Variants in MYRIP observed in about 807,000 individuals in gnomAD.
The protein encoded by MYRIP is rab effector MyRIP.
Under a neutral mutation model 98.0 loss-of-function variants are expected in MYRIP, and 49 were observed. The ratio of observed to expected loss-of-function variants is 0.50; its 90% CI spans 0.40 to 0.63. The LOEUF is 0.63. Ranked by LOEUF, MYRIP falls within the 30% of genes least tolerant of loss-of-function variation. The pLI is 0.00. For missense variants in MYRIP, 1,004 were observed against 1,058.2 expected (o/e 0.95, Z 0.71); for synonymous variants, 404 against 409.5 (o/e 0.99, Z 0.16).
At position 40,147,555 on chromosome 3, in the gene MYRIP, G is replaced by GA. The variant is rs200671524; in HGVS notation, c.333-3485dup. Among the ~76,000 whole-genome samples, 753 of 151,844 alleles carry GA rather than the reference G, an allele frequency of 5.0e-3. 3 individuals carry two copies. Among genetic ancestry groups the GA allele is most frequent in the Non-Finnish European group, 8.1e-3 (548 of 67,924 alleles). On this transcript the variant is annotated intron_variant, in intron 3 of 16. Coordinates refer to ENST00000302541, the MANE Select transcript of MYRIP (RefSeq NM_015460.4). ...AGTCATGACTTGAAATTCATGGAGA[G>GA]AAAAAAAACTGTTATTCTTGGCTAT...
chr3:40,179,119 T>A (rs1950831247), intron 8 of MYRIP, among the ~76,000 whole-genome samples: 1 of 152,218 alleles, frequency 6.6e-6, no homozygotes, highest in African/African-American at 2.4e-5. Context: ...CTGAACTAGC[T>A]GGTGAGTAAA....
chr3:40,157,794 T>C (rs1163349599), intron 4 of MYRIP, among the ~76,000 whole-genome samples: 1 of 149,316 alleles, frequency 6.7e-6, no homozygotes, highest in East Asian at 2.0e-4. Flanking sequence ...GAGGTGTTTG[T>C]AGTATTCTCT....
chr3:39,869,510 A>T (rs1047430841), intron 1 of MYRIP, among the ~76,000 whole-genome samples: 4 of 152,086 alleles, frequency 2.6e-5, no homozygotes, highest in African/African-American at 9.7e-5. Flanking sequence ...CTTTGATAGT[A>T]TTTATAATAA....
Position 40,071,668 on chromosome 3 carries a change from C to G in MYRIP, c.332+27397C>G, listed in dbSNP as rs576139447. Among the ~76,000 whole-genome samples the G allele has an allele frequency of 4.6e-5, 7 of 152,158 alleles. No homozygotes were observed. The East Asian group carries it at 1.4e-3, about 29-fold the overall frequency. ...TGTTCCCAGTATTTTCAGAGGTTTG[C>G]GAGCAGGATGCAGATGCTGGGGAGG... is the stretch of plus-strand genomic sequence containing the variant. On this transcript the variant is annotated intron_variant, in intron 3 of 16. Coordinates refer to ENST00000302541, the MANE Select transcript of MYRIP (RefSeq NM_015460.4).
chr3:40,197,242 A>G lies in MYRIP; in HGVS notation c.1665+6779A>G, dbSNP rs560770191. Among the ~76,000 whole-genome samples, 60 of 151,926 alleles carry G rather than the reference A, an allele frequency of 3.9e-4. 2 individuals carry two copies. Among genetic ancestry groups the G allele is most frequent in the Non-Finnish European group, 3.4e-4 (23 of 67,984 alleles). On this transcript the variant is annotated intron_variant, in intron 10 of 16. Coordinates refer to ENST00000302541, the MANE Select transcript of MYRIP (RefSeq NM_015460.4). Reference sequence around the variant, plus strand: ...TGCAGTTCACAATAGGGTTCGCGCTACTCTGAGAATCTAATGCCACCCCGA... The same window carrying G: ...TGCAGTTCACAATAGGGTTCGCGCTGCTCTGAGAATCTAATGCCACCCCGA...
chr3:39,918,051 G>A (rs1012074037), intron 2 of MYRIP, among the ~76,000 whole-genome samples: 9 of 151,540 alleles, frequency 5.9e-5, no homozygotes, highest in Non-Finnish European at 5.9e-5. Context: ...CTCAGCCTCC[G>A]GAGTAGCTGG....
intron 1 of MYRIP, among the ~76,000 whole-genome samples, chr3:39,889,307 A>G (rs1322656745): frequency 2.6e-5 from 4 of 152,232 alleles, no homozygotes; most frequent in Non-Finnish European, 5.9e-5. Context: ...AGACTGGATT[A>G]AGAAAATGTG....
intron 1 of MYRIP, among the ~76,000 whole-genome samples, chr3:39,849,533 G>A (rs180926913): frequency 1.3e-5 from 2 of 152,164 alleles, no homozygotes; most frequent in South Asian, 2.1e-4. Flanking sequence ...ATGGTGAGAG[G>A]TTCATCAGTA....
At chr3:40,148,023 A>T (rs1360198095) in intron 3 of MYRIP, among the ~76,000 whole-genome samples, 1 of 152,044 alleles carries the variant, frequency 6.6e-6, no homozygotes, top group East Asian at 1.9e-4. Context: ...AAATGTCTTT[A>T]TTTTGCCCTC....
intron 3 of MYRIP, among the ~76,000 whole-genome samples, chr3:40,084,414 T>C (rs1331944021): frequency 3.7e-5 from 3 of 80,776 alleles, no homozygotes; most frequent in Non-Finnish European, 8.2e-5. Flanking sequence ...CTATGTATTA[T>C]CTATCGGTAG....
intron 1 of MYRIP, among the ~76,000 whole-genome samples, chr3:39,830,548 G>A (rs1918024): frequency 0.1 from 15,900 of 152,026 alleles, 1,086 homozygotes; most frequent in Middle Eastern, 0.15. Context: ...ACTTTCACAG[G>A]CCTGCACCAC....
intron 2 of MYRIP, among the ~76,000 whole-genome samples, chr3:40,000,739 G>A (rs1438419099): frequency 6.6e-6 from 1 of 152,102 alleles, no homozygotes; most frequent in African/African-American, 2.4e-5. Flanking sequence ...AGCTTCCCCT[G>A]TAACCCATCC....
chr3:40,014,549 A>G (rs1389978077), intron 2 of MYRIP, among the ~76,000 whole-genome samples: 1 of 152,150 alleles, frequency 6.6e-6, no homozygotes, highest in African/African-American at 2.4e-5. Flanking sequence ...ACCAGAGTCC[A>G]CTACTCCCTG....
intron 12 of MYRIP, among the ~76,000 whole-genome samples, chr3:40,236,207 G>A (rs1952819745): frequency 6.6e-6 from 1 of 152,190 alleles, no homozygotes; most frequent in South Asian, 2.1e-4. Context: ...GTAACATGCT[G>A]TAGCCTAGGA....
chr3:40,152,508 A>T (rs1398921836), intron 4 of MYRIP, among the ~76,000 whole-genome samples: 3 of 152,228 alleles, frequency 2.0e-5, no homozygotes, highest in Non-Finnish European at 1.5e-5. Flanking sequence ...GAAAGCAGGC[A>T]TGAATCCCAA....
rs150743084 is a variant in MYRIP at position 40,194,979 on chromosome 3, C to A, written c.1665+4516C>A. 4.0e-3 allele frequency among the ~76,000 whole-genome samples: 616 copies of A among 152,270 alleles called. 5 individuals carry two copies. Among genetic ancestry groups the A allele is most frequent in the African/African-American group, 0.014 (582 of 41,562 alleles). On this transcript the variant is annotated intron_variant, in intron 10 of 16. Transcript: ENST00000302541. Reference sequence around the variant, plus strand: ...ATCTTAGCTATTCCAGATAGATAATCATATTGTCAACAAGTAATGACACTT... The same window carrying A: ...ATCTTAGCTATTCCAGATAGATAATAATATTGTCAACAAGTAATGACACTT...
At chr3:40,045,436 TGAAAGGGGGAG>T (rs1947651299) in intron 3 of MYRIP, among the ~76,000 whole-genome samples, 2 of 151,936 alleles carry the variant, frequency 1.3e-5, no homozygotes, top group Admixed American at 1.3e-4. Context: ...CATGGCAGCT[TGAAAGGGGGAG>T]GAAAAGCCCT....
chr3:40,195,259 G>A (rs960653410), intron 10 of MYRIP, among the ~76,000 whole-genome samples: 7 of 152,284 alleles, frequency 4.6e-5, no homozygotes, highest in South Asian at 2.1e-4. Context: ...CTTTTTGGCA[G>A]TAGATGATCA....
At chr3:39,985,003 T>C (rs550360303) in intron 2 of MYRIP, among the ~76,000 whole-genome samples, 11 of 150,464 alleles carry the variant, frequency 7.3e-5, no homozygotes, top group African/African-American at 1.7e-4. Context: ...TTTCATGTGT[T>C]TTTTGGCTGC....
Sources: allele counts gnomAD v4.1 joint callset (sites outside exome capture counted in the v4.1 genomes callset), GRCh38; gene constraint gnomAD v4.1.1; transcripts MANE v1.5; gene names NCBI Gene and HGNC (gene_info 2026-07-23, HGNC 2026-07-21).